Variants in FAR2 observed in about 807,000 individuals in gnomAD.
FAR2 encodes fatty acyl-CoA reductase 2.
In FAR2, 19 loss-of-function variants were observed where a neutral mutation model predicts 56.0. The observed-to-expected ratio is 0.34, with a 90% CI of 0.24 to 0.50. The LOEUF is 0.50. Among genes scored for constraint, FAR2 ranks in the 20% least tolerant of loss-of-function variants. The pLI is 0.98. For synonymous variants in FAR2, 219 were observed against 218.8 expected (o/e 1.00, Z -0.01); for missense variants, 508 against 642.2 (o/e 0.79, Z 2.26).
intron 10 of FAR2, 144 bp from the exon 11 acceptor site, chr12:29,332,456 C>T (rs968182468): frequency 2.7e-6 from 3 of 1,100,926 alleles, no homozygotes; most frequent in South Asian, 3.2e-5. Flanking sequence ...GAAATAATGA[C>T]TCAAATAATC....
chr12:29,274,968 T>TGACTCGGATCGGGG (rs1948685227), intron 2 of FAR2, among the ~76,000 whole-genome samples: 1 of 58,780 alleles, frequency 1.7e-5, no homozygotes, highest in East Asian at 6.7e-4. Flanking sequence ...TTTGGTGCCG[T>TGACTCGGATCGGGG]GACTCGGATC....
chr12:29,154,642 C>G (rs929694798), intron 1 of FAR2, among the ~76,000 whole-genome samples: 4 of 152,064 alleles, frequency 2.6e-5, no homozygotes, highest in Non-Finnish European at 5.9e-5. Flanking sequence ...ACCGTGTTAG[C>G]CAGGATGGTC....
At chr12:29,234,319 T>G (rs1403109846) in intron 1 of FAR2, among the ~76,000 whole-genome samples, 1 of 152,102 alleles carries the variant, frequency 6.6e-6, no homozygotes, top group Non-Finnish European at 1.5e-5. Flanking sequence ...TTTTTCCCCT[T>G]TCCTAGTCAA....
At chr12:29,164,182 G>A (rs746976660) in intron 1 of FAR2, among the ~76,000 whole-genome samples, 1 of 152,276 alleles carries the variant, frequency 6.6e-6, no homozygotes, top group Non-Finnish European at 1.5e-5. Flanking sequence ...ATTGCACCAA[G>A]CTTCATTTAG....
chr12:29,169,459 T>C (rs1381122504), intron 1 of FAR2, among the ~76,000 whole-genome samples: 1 of 152,020 alleles, frequency 6.6e-6, no homozygotes, highest in East Asian at 1.9e-4. Context: ...TGAAGGCGAG[T>C]AATAGCAAGA....
chr12:29,259,336 C>G (rs1311647743), intron 1 of FAR2, among the ~76,000 whole-genome samples: 1 of 152,148 alleles, frequency 6.6e-6, no homozygotes, highest in Non-Finnish European at 1.5e-5. Flanking sequence ...TGATCTGGCC[C>G]AAAATGTCAA....
At chr12:29,215,839 TAA>T (rs1565474361) in intron 1 of FAR2, among the ~76,000 whole-genome samples, 2 of 152,208 alleles carry the variant, frequency 1.3e-5, no homozygotes. Flanking sequence ...AAATTATTTT[TAA>T]AAGAGTATAA....
At chr12:29,170,994 G>C (rs1407963188) in intron 1 of FAR2, among the ~76,000 whole-genome samples, 1 of 152,238 alleles carries the variant, frequency 6.6e-6, no homozygotes, top group African/African-American at 2.4e-5. Flanking sequence ...CCATATTGCA[G>C]TATGGGCATG....
intron 1 of FAR2, chr12:29,151,656 A>G (rs1321862602): frequency 1.3e-5 from 2 of 152,228 alleles, no homozygotes; most frequent in African/African-American, 4.8e-5. Flanking sequence ...CTAACCAAAT[A>G]ACAGTGTTTG....
chr12:29,201,757 A>G (rs905425325), intron 1 of FAR2, among the ~76,000 whole-genome samples: 8 of 152,250 alleles, frequency 5.3e-5, no homozygotes, highest in African/African-American at 1.7e-4. Flanking sequence ...ATGTCACTAT[A>G]TAAAATTGAA....
intron 1 of FAR2, among the ~76,000 whole-genome samples, chr12:29,260,520 A>T (rs1565493075): frequency 6.6e-6 from 1 of 152,154 alleles, no homozygotes; most frequent in Non-Finnish European, 1.5e-5. Context: ...TCTGGGCCTT[A>T]GGTGAGATTC....
intron 1 of FAR2, among the ~76,000 whole-genome samples, chr12:29,195,444 A>G (rs1950136803): frequency 1.3e-5 from 2 of 152,200 alleles, no homozygotes; most frequent in South Asian, 4.1e-4. Context: ...ATAAAAATGT[A>G]TATATTGTGG....
intron 1 of FAR2, among the ~76,000 whole-genome samples, chr12:29,164,576 G>T (rs1393587459): frequency 6.6e-6 from 1 of 152,134 alleles, no homozygotes; most frequent in Non-Finnish European, 1.5e-5. Flanking sequence ...GGACACCCCG[G>T]CTGGCCCTGC....
intron 1 of FAR2, among the ~76,000 whole-genome samples, chr12:29,158,652 T>C (rs1949752550): frequency 6.6e-6 from 1 of 152,260 alleles, no homozygotes; most frequent in Non-Finnish European, 1.5e-5. Context: ...GAACAAACTT[T>C]TCCCAAATTA....
intron 2 of FAR2, among the ~76,000 whole-genome samples, chr12:29,271,112 A>G (rs116786151): frequency 2.4e-3 from 365 of 152,322 alleles, no homozygotes; most frequent in African/African-American, 8.2e-3. Flanking sequence ...TAGCTGTTAT[A>G]TATTTTATTT....
intron 1 of FAR2, among the ~76,000 whole-genome samples, chr12:29,186,864 C>T (rs1390887341): frequency 6.6e-6 from 1 of 152,056 alleles, no homozygotes; most frequent in Non-Finnish European, 1.5e-5. Flanking sequence ...TCTCGGCTCA[C>T]TGTAAGCTCC....
chr12:29,249,060 G>A (rs1948170182), intron 1 of FAR2, among the ~76,000 whole-genome samples: 1 of 152,130 alleles, frequency 6.6e-6, no homozygotes, highest in African/African-American at 2.4e-5. Flanking sequence ...GTCCTGAGAT[G>A]ACATATATCC....
chr12:29,199,370 C>G (rs186722619), intron 1 of FAR2, among the ~76,000 whole-genome samples: 2,662 of 152,056 alleles, frequency 0.018, 38 homozygotes, highest in Non-Finnish European at 0.025. Context: ...GAGGCCGAGG[C>G]GGGTGGATCA....
At chr12:29,248,107 C>T (rs796269390) in intron 1 of FAR2, among the ~76,000 whole-genome samples, 23 of 152,288 alleles carry the variant, frequency 1.5e-4, no homozygotes, top group African/African-American at 5.5e-4. Flanking sequence ...ATCACAATTA[C>T]TTTAGTGCAA....
Sources: gnomAD v4.1 joint callset for allele counts (sites outside exome capture counted in the v4.1 genomes callset) on GRCh38, gnomAD v4.1.1 for gene constraint, MANE v1.5 for transcripts, NCBI Gene and HGNC (gene_info 2026-07-23, HGNC 2026-07-21) for gene names.